The following ZNF217 variants were observed in gnomAD, a reference collection of about 807,000 sequenced individuals.
ZNF217 encodes zinc finger protein 217.
A neutral mutation model predicts 73.3 loss-of-function variants in ZNF217; 12 were observed. The observed-to-expected ratio is 0.16, with a 90% confidence interval of 0.10 to 0.27. The LOEUF (loss-of-function observed/expected upper bound fraction) is 0.27. ZNF217 is among the 10% of genes least tolerant of loss of function. ZNF217 has a pLI of 1.00. For synonymous variants in ZNF217, 588 were observed against 516.4 expected (o/e 1.14, Z -1.88); for missense variants, 1,195 against 1,327.8 (o/e 0.90, Z 1.55).
chr20:53,594,725 G>A (rs1195859157), upstream of ZNF217, among the ~76,000 whole-genome samples: 1 of 152,154 alleles, frequency 6.6e-6, no homozygotes, highest in Non-Finnish European at 1.5e-5. Context: ...GTGCGCGGGC[G>A]AGGGGAGGGG....
chr20:53,597,666 A>C (rs1000346020), upstream of ZNF217: 2 of 151,824 alleles, frequency 1.3e-5, no homozygotes, highest in African/African-American at 4.8e-5. Context: ...GAACCTGATA[A>C]CTCTGTAGGA....
rs1988250275 is a variant in ZNF217 at position 53,576,072 on chromosome 20, C to G, written c.2692G>C (p.Asp898His). The change falls in exon 4 of 6, where the codon GAC becomes CAC. Residue 898 changes from aspartate (D) to histidine (H), a missense_variant. Physicochemically the swap from Asp to His is moderately conservative, Grantham distance 81 (BLOSUM62 -1). Around this residue, in one of 9 missense-constraint regions of ZNF217, gnomAD observed 649 missense variants for 642.8 expected, o/e 1.01. Transcript: ENST00000371471. ...CTGGCACTCCGATTACAGAAATAGT[C>G]TCTTCCCGGAGGTGCCCACGGGCTG... ...NDSPWAPPGR[D>H]YFCNRSASNT... 6.2e-7 allele frequency: 1 copy of G among 1,614,092 alleles called. No homozygotes were observed. The highest frequency in any genetic ancestry group is 1.3e-5 in the African/African-American group (1 of 74,936).
rs773782130 is a variant in ZNF217 at position 53,576,179 on chromosome 20, T to C, written c.2585A>G (p.Lys862Arg). 4 of 1,614,186 alleles carry C rather than the reference T, an allele frequency of 2.5e-6. No homozygotes were observed. The highest frequency in any genetic ancestry group is 1.1e-5 in the South Asian group (1 of 91,086). ...DKTKRPETKL[K>R]PLPVAPSQPT... is the part of the protein sequence containing the mutation. Reference sequence around the variant, plus strand: ...CTGAGAAGGAGCTACTGGAAGAGGTTTCAATTTTGTCTCGGGTCTTTTTGT... The same window carrying C: ...CTGAGAAGGAGCTACTGGAAGAGGTCTCAATTTTGTCTCGGGTCTTTTTGT... The change falls in exon 4 of 6, where the codon AAA becomes AGA. Residue 862 changes from lysine to arginine, a missense_variant. Transcript: ENST00000371471.
At position 53,576,713 on chromosome 20, in the gene ZNF217, T is replaced by C; in HGVS notation, c.2051A>G (p.Glu684Gly). 6.2e-7 allele frequency: 1 copy of C among 1,614,214 alleles called. No homozygotes were observed. Among genetic ancestry groups the C allele is most frequent in the Non-Finnish European group, 8.5e-7 (1 of 1,180,034 alleles). The change falls in exon 4 of 6, where the codon GAA becomes GGA. Residue 684 changes from glutamate to glycine, a missense_variant. Glu to Gly is a moderately conservative substitution (Grantham distance 98). Coordinates refer to ENST00000371471, the MANE Select transcript of ZNF217 (RefSeq NM_006526.3). ...CRYRPSVDCHEKPLNLSVGAL... is the reference protein window; with the variant it reads ...CRYRPSVDCHGKPLNLSVGAL... Reference sequence around the variant, plus strand: ...CCCCACGGATAAATTTAAAGGTTTTTCGTGACAATCCACACTTGGCCTGTA... The same window carrying C: ...CCCCACGGATAAATTTAAAGGTTTTCCGTGACAATCCACACTTGGCCTGTA...
At chr20:53,597,194 ATCT>A (rs1297559081), upstream of ZNF217, among the ~76,000 whole-genome samples, 14 of 152,206 alleles carry the variant, frequency 9.2e-5, no homozygotes, top group African/African-American at 3.4e-4. Context: ...ATGAGGTAGG[ATCT>A]TCTTATTTCA....
intron 3 of ZNF217, among the ~76,000 whole-genome samples, chr20:53,577,945 C>G (rs1326480646): frequency 6.6e-6 from 1 of 152,118 alleles, no homozygotes; most frequent in South Asian, 2.1e-4. Flanking sequence ...AACCCCATCT[C>G]TACTAAAAAT....
At chr20:53,597,666 ACT>A (rs1033692386), upstream of ZNF217, 4 of 151,824 alleles carry the variant, frequency 2.6e-5, no homozygotes, top group Non-Finnish European at 4.4e-5. Flanking sequence ...GAACCTGATA[ACT>A]CTGTAGGACT....
chr20:53,594,557 G>T (rs1366064135), upstream of ZNF217, among the ~76,000 whole-genome samples: 1 of 151,578 alleles, frequency 6.6e-6, no homozygotes, highest in Admixed American at 6.6e-5. Context: ...CGCGCCCCCC[G>T]CCCCGCACCC....
intron 1 of ZNF217, 51 bp from the exon 2 acceptor site, chr20:53,583,219 G>T (rs1000594041): frequency 4.9e-6 from 2 of 405,814 alleles, no homozygotes; most frequent in Non-Finnish European, 8.7e-6. Flanking sequence ...CGAAGAGAAG[G>T]CTGGTGTGGG....
Position 53,576,850 on chromosome 20 carries a change from G to A in ZNF217, c.1914C>T (p.Asn638=). The A allele has an allele frequency of 6.2e-7, 1 of 1,614,216 alleles. No homozygotes were observed. Among genetic ancestry groups the A allele is most frequent in the Non-Finnish European group, 8.5e-7 (1 of 1,180,034 alleles). The change falls in exon 4 of 6, where the codon AAC becomes AAT. Residue 638 remains asparagine, a synonymous_variant. Coordinates refer to ENST00000371471, the MANE Select transcript of ZNF217 (RefSeq NM_006526.3). ...KRSAVETQAN[N]LICRTKADVT... Reference sequence around the variant, plus strand: ...CATCCGCCTTGGTTCTACAGATGAGGTTATTTGCCTGAGTTTCAACTGCTG... The same window carrying A: ...CATCCGCCTTGGTTCTACAGATGAGATTATTTGCCTGAGTTTCAACTGCTG...
intron 1 of ZNF217, among the ~76,000 whole-genome samples, chr20:53,591,290 G>A (rs1174893472): frequency 6.6e-6 from 1 of 152,138 alleles, no homozygotes; most frequent in African/African-American, 2.4e-5. Flanking sequence ...TTAAAAGAGT[G>A]GGACACTAAA....
intron 1 of ZNF217, among the ~76,000 whole-genome samples, chr20:53,586,309 A>C (rs1304209566): frequency 1.3e-5 from 2 of 152,170 alleles, no homozygotes; most frequent in Non-Finnish European, 2.9e-5. Flanking sequence ...ACTGATCAGA[A>C]ATTAAAATTA....
At chr20:53,575,690 A>C in intron 4 of ZNF217, 37 bp downstream of exon 4, 8 of 1,505,488 alleles carry the variant, frequency 5.3e-6, no homozygotes, top group Non-Finnish European at 7.1e-6. Flanking sequence ...TAATCACTGT[A>C]GGCAGCCATT....
intron 5 of ZNF217, among the ~76,000 whole-genome samples, chr20:53,570,987 G>A (rs1987973231): frequency 6.6e-6 from 1 of 152,174 alleles, no homozygotes; most frequent in South Asian, 2.1e-4. Context: ...ACGGTAAATA[G>A]TTTCAGCTTT....
intron 1 of ZNF217, among the ~76,000 whole-genome samples, chr20:53,585,300 C>G (rs956297457): frequency 6.6e-6 from 1 of 152,052 alleles, no homozygotes; most frequent in Non-Finnish European, 1.5e-5. Flanking sequence ...TGGCTCACAC[C>G]TATACTCCCA....
At chr20:53,572,486 A>C (rs1042762265) in intron 4 of ZNF217, among the ~76,000 whole-genome samples, 8 of 152,300 alleles carry the variant, frequency 5.3e-5, no homozygotes, top group Non-Finnish European at 1.0e-4. Context: ...AAGTAAAGAC[A>C]AAGTTTTGAT....
At chr20:53,586,693 T>C (rs181997109) in intron 1 of ZNF217, among the ~76,000 whole-genome samples, 275 of 152,356 alleles carry the variant, frequency 1.8e-3, no homozygotes, top group African/African-American at 6.2e-3. Flanking sequence ...TTAAAGTGGT[T>C]GTAACAATAA....
Position 53,567,220 on chromosome 20 carries a change from A to T in ZNF217, c.*2068T>A, listed in dbSNP as rs1987781031. The T allele has an allele frequency of 6.6e-6, 1 of 152,608 alleles. No homozygotes were observed. The highest frequency in any genetic ancestry group is 1.5e-5 in the Non-Finnish European group (1 of 68,048). The allele number at this position is 152,608 out of a possible 1,614,324, so 9.5% of individuals were successfully genotyped here. A position where few individuals can be genotyped will look rare whatever the true frequency, so the allele number is the denominator to read the frequency against. ...AATCAAACTGGAATGAAATAAATACATAAACAAAAATCCAACGAATTGTAC... is the reference window on the plus strand; with the variant it reads ...AATCAAACTGGAATGAAATAAATACTTAAACAAAAATCCAACGAATTGTAC... On this transcript the variant is annotated 3_prime_UTR_variant, in exon 6 of 6. Coordinates refer to ENST00000371471, the MANE Select transcript of ZNF217 (RefSeq NM_006526.3).
chr20:53,575,794 A>G lies in ZNF217; in HGVS notation c.2970T>C (p.Tyr990=). 1 of 1,613,642 alleles carries G rather than the reference A, an allele frequency of 6.2e-7. No individual in the cohort carries two copies. Among genetic ancestry groups the G allele is most frequent in the South Asian group, 1.1e-5 (1 of 90,996 alleles). The change falls in exon 4 of 6, where the codon TAT becomes TAC. Residue 990 remains tyrosine, a synonymous_variant. Transcript: ENST00000371471. ...SPNVLTVQKP[Y]GGSGPLYTCV... is the part of the protein sequence containing the mutation. ...AAGTGTAAAGTGGCCCGGAGCCACC[A>G]TAGGGCTTCTGAACAGTCAGCACAT...
Sources: allele counts gnomAD v4.1 joint callset (sites outside exome capture counted in the v4.1 genomes callset), GRCh38; gene constraint gnomAD v4.1.1; regional missense constraint gnomAD v4.1.1; transcripts MANE v1.5; gene names NCBI Gene and HGNC (gene_info 2026-07-23, HGNC 2026-07-21).